LRRC28: variants seen among roughly 807,000 people sequenced by gnomAD.
LRRC28 encodes the protein leucine rich repeat containing 28.
In LRRC28, 39 loss-of-function variants were observed where a neutral mutation model predicts 45.7. That is an observed-to-expected ratio of 0.85 (90% confidence interval 0.66 to 1.12). LRRC28 has a LOEUF of 1.12. LRRC28 is among the 50% of genes most tolerant of loss of function. LRRC28 has a pLI of 0.00. For synonymous variants in LRRC28, 206 were observed against 178.8 expected (o/e 1.15, Z -1.22); for missense variants, 435 against 438.5 (o/e 0.99, Z 0.07).
rs756777244 is a variant in LRRC28 at position 99,334,050 on chromosome 15, T to G, written c.513T>G (p.Tyr171Ter). ...CTGTGGACCGAAATCGTCTATGGTA[T>G]GTGCCGCGCCATCTCTGCCAGCTGC... is the stretch of plus-strand genomic sequence containing the variant. ...YLTVDRNRLW[Y>*]VPRHLCQLPS... The change falls in exon 6 of 10, where the codon TAT becomes TAG. Residue 171 changes from tyrosine to a stop codon, truncating the protein, a stop_gained. Transcript: ENST00000301981. LOFTEE classifies it high-confidence loss of function. 3 of 1,614,182 alleles carry G rather than the reference T, an allele frequency of 1.9e-6. No homozygotes were observed. The highest frequency in any genetic ancestry group is 2.2e-5 in the South Asian group (2 of 91,088).
At chr15:99,282,176 G>GGTTTTTTTTTTTTTTGTTTTT (rs2081814497) in intron 3 of LRRC28, among the ~76,000 whole-genome samples, 6 of 33,874 alleles carry the variant, frequency 1.8e-4, no homozygotes, top group African/African-American at 1.3e-3. Context: ...AATTTTTGGA[G>GGTTTTTTTTTTTTTTGTTTTT]GTTTTTTTTT....
intron 5 of LRRC28, among the ~76,000 whole-genome samples, chr15:99,289,735 C>A (rs2082059356): frequency 6.7e-6 from 1 of 148,822 alleles, no homozygotes; most frequent in South Asian, 2.1e-4. Flanking sequence ...AGATCGAGAC[C>A]ATCCTGGCTA....
chr15:99,258,707 G>C, intron 2 of LRRC28: 1 of 708,708 alleles, frequency 1.4e-6, no homozygotes, highest in Non-Finnish European at 2.6e-6. Context: ...ATTTTCAAAG[G>C]AAAGTGATGA....
chr15:99,320,672 TCAGACTTA>T (rs1955764554), intron 5 of LRRC28: 1 of 152,192 alleles, frequency 6.6e-6, no homozygotes, highest in Non-Finnish European at 1.5e-5. Flanking sequence ...AGTCACCCCT[TCAGACTTA>T]CTGGATCATG....
At chr15:99,283,493 G>A (rs1370132221) in intron 3 of LRRC28, among the ~76,000 whole-genome samples, 1 of 151,220 alleles carries the variant, frequency 6.6e-6, no homozygotes, top group African/African-American at 2.4e-5. Context: ...GTGCGCACCT[G>A]TAATCCCAGC....
intron 5 of LRRC28, among the ~76,000 whole-genome samples, chr15:99,312,054 A>C (rs911785349): frequency 6.6e-6 from 1 of 152,186 alleles, no homozygotes; most frequent in Non-Finnish European, 1.5e-5. Context: ...AATTATAGCT[A>C]AAAAATTAAT....
At position 99,282,108 on chromosome 15, in the gene LRRC28, C is replaced by T. The variant is rs79529028; in HGVS notation, c.210-5149C>T. Among the ~76,000 whole-genome samples, 1,118 of 145,446 alleles carry T rather than the reference C, an allele frequency of 7.7e-3. 12 individuals are homozygous for T. Among genetic ancestry groups the T allele is most frequent in the African/African-American group, 0.028 (1,087 of 38,346 alleles). On this transcript the variant is annotated intron_variant, in intron 3 of 9. Coordinates refer to ENST00000301981, the MANE Select transcript of LRRC28 (RefSeq NM_144598.5). ...CCCACTGTATCCTGTTAGAGTTTTTCTTATGTGTGTTTGTTCTAGAATTCA... is the reference window on the plus strand; with the variant it reads ...CCCACTGTATCCTGTTAGAGTTTTTTTTATGTGTGTTTGTTCTAGAATTCA...
intron 9 of LRRC28, among the ~76,000 whole-genome samples, chr15:99,365,606 C>A (rs1358475009): frequency 6.6e-6 from 1 of 152,206 alleles, no homozygotes; most frequent in African/African-American, 2.4e-5. Flanking sequence ...TTTTTAATAT[C>A]ATAAACTCTA....
In LRRC28 at chr15:99,363,281, T is replaced by G; in HGVS notation, c.1031+16T>G. On this transcript the variant is annotated intron_variant, in intron 9 of 9. Coordinates refer to ENST00000301981, the MANE Select transcript of LRRC28 (RefSeq NM_144598.5). ...TGCACCAGTGGTAATCATGCCTAAG[T>G]GGGCACCAGGGTTTACACCCAGGCA... The G allele has an allele frequency of 6.2e-7, 1 of 1,613,330 alleles. No homozygotes were observed. Among genetic ancestry groups the G allele is most frequent in the South Asian group, 1.1e-5 (1 of 91,024 alleles).
intron 6 of LRRC28, among the ~76,000 whole-genome samples, chr15:99,344,090 C>T (rs1195613572): frequency 6.6e-6 from 1 of 152,226 alleles, no homozygotes; most frequent in Non-Finnish European, 1.5e-5. Context: ...TGGTTCTCTT[C>T]ATCATCCCAC....
At chr15:99,284,234 A>G (rs1412277674) in intron 3 of LRRC28, among the ~76,000 whole-genome samples, 1 of 151,976 alleles carries the variant, frequency 6.6e-6, no homozygotes, top group Non-Finnish European at 1.5e-5. Flanking sequence ...TACCAATAAG[A>G]CCCCTGGTGA....
intron 2 of LRRC28, among the ~76,000 whole-genome samples, chr15:99,270,713 T>C (rs1399516082): frequency 2.6e-5 from 4 of 152,244 alleles, no homozygotes; most frequent in Non-Finnish European, 5.9e-5. Flanking sequence ...ACTTTTTAGC[T>C]ATTGTGAATA....
intron 7 of LRRC28, among the ~76,000 whole-genome samples, chr15:99,358,306 A>C (rs935264282): frequency 2.7e-4 from 41 of 152,216 alleles, no homozygotes; most frequent in African/African-American, 8.4e-4. Context: ...GATATAAAGC[A>C]CTAGGTGGAT....
rs762092041 is a variant in LRRC28, at chr15:99,276,584, C to A, written c.177C>A (p.Asn59Lys). The A allele has an allele frequency of 7.8e-6, 12 of 1,528,888 alleles. No individual in the cohort carries two copies. The highest frequency in any genetic ancestry group is 1.7e-4 in the Middle Eastern group (1 of 5,846). The allele number at this position is 1,528,888 out of a possible 1,614,324, so 94.7% of individuals were successfully genotyped here. Reference sequence around the variant, plus strand: ...GAGTTTTTAATTTTCAGCCAGAAAACCTTGCTCAGAAGCTTCCAAACCTTG... The same window carrying A: ...GAGTTTTTAATTTTCAGCCAGAAAAACTTGCTCAGAAGCTTCCAAACCTTG... The part of the protein sequence containing the change: ...KRNSLTSLPE[N>K]LAQKLPNLVE... The change falls in exon 3 of 10, where the codon AAC (asparagine) becomes AAA (lysine). Residue 59 changes from asparagine (N) to lysine (K), a missense_variant. Physicochemically the swap from Asn to Lys is moderately conservative, Grantham distance 94. Coordinates refer to ENST00000301981, the MANE Select transcript of LRRC28 (RefSeq NM_144598.5).
rs999638047 is a variant in LRRC28, at chr15:99,381,466, G to A, written c.1032-4564G>A. 6.6e-5 allele frequency among the ~76,000 whole-genome samples: 10 copies of A among 152,118 alleles called. No homozygotes were observed. In the East Asian group the frequency reaches 7.7e-4, roughly 12 times the overall value. ...TTTTCAGGGTTTTTAGCTTCTTTGC[G>A]ATGGGTTCGAACTTCCTCCTTTAGC... is the stretch of plus-strand genomic sequence containing the variant. On this transcript the variant is annotated intron_variant, in intron 9 of 9. Transcript: ENST00000301981.
At chr15:99,304,833 G>C (rs987660480) in intron 5 of LRRC28, among the ~76,000 whole-genome samples, 3 of 152,096 alleles carry the variant, frequency 2.0e-5, no homozygotes, top group Admixed American at 2.0e-4. Context: ...GATCTATGGG[G>C]ATCACGACCC....
intron 5 of LRRC28, among the ~76,000 whole-genome samples, chr15:99,317,901 G>A (rs529710707): frequency 1.3e-5 from 2 of 152,204 alleles, no homozygotes; most frequent in East Asian, 1.9e-4. Flanking sequence ...TTATTGAGGA[G>A]CATTTAAAAG....
chr15:99,360,514 C>G (rs1957170998), intron 7 of LRRC28, among the ~76,000 whole-genome samples: 1 of 152,096 alleles, frequency 6.6e-6, no homozygotes. Flanking sequence ...AATGAAGAAA[C>G]TTTTAAAAAA....
chr15:99,284,729 C>T (rs2081910269), intron 3 of LRRC28: 4 of 520,688 alleles, frequency 7.7e-6, no homozygotes, highest in Admixed American at 3.9e-5. Flanking sequence ...GGAGCCAGAG[C>T]TTCTGCCACC....
Sources: gnomAD v4.1 joint callset for allele counts (sites outside exome capture counted in the v4.1 genomes callset) on GRCh38, gnomAD v4.1.1 for gene constraint, MANE v1.5 for transcripts, NCBI Gene and HGNC (gene_info 2026-07-23, HGNC 2026-07-21) for gene names.